Variants in CTIF observed in about 807,000 individuals in gnomAD.
The protein encoded by CTIF is CBP80/20-dependent translation initiation factor.
Under a neutral mutation model 66.0 loss-of-function variants are expected in CTIF, and 21 were observed. That is an observed-to-expected ratio of 0.32 (90% CI 0.23 to 0.46). The LOEUF is 0.46. Ranked by LOEUF, CTIF falls within the 20% of genes least tolerant of loss-of-function variation. The pLI, the probability that CTIF is intolerant of heterozygous loss-of-function variation, is 1.00. For synonymous variants in CTIF, 345 were observed against 326.4 expected (o/e 1.06, Z -0.62); for missense variants, 739 against 812.7 (o/e 0.91, Z 1.10).
chr18:48,670,036 A>G (rs1442745414), intron 5 of CTIF, among the ~76,000 whole-genome samples: 1 of 151,616 alleles, frequency 6.6e-6, no homozygotes, highest in African/African-American at 2.4e-5. Context: ...CAACTTGTAC[A>G]GGGTCCCCAG....
At chr18:48,677,603 C>T (rs1038530798) in intron 6 of CTIF, among the ~76,000 whole-genome samples, 2 of 152,184 alleles carry the variant, frequency 1.3e-5, no homozygotes, top group African/African-American at 2.4e-5. Flanking sequence ...ACTTTACAGA[C>T]CGATGTCTTT....
chr18:48,638,139 C>T (rs1460022396), intron 3 of CTIF, among the ~76,000 whole-genome samples: 3 of 152,088 alleles, frequency 2.0e-5, no homozygotes, highest in African/African-American at 7.2e-5. Context: ...AGGCCCTGCT[C>T]CTCAGGGGCA....
intron 1 of CTIF, among the ~76,000 whole-genome samples, chr18:48,571,641 A>AT (rs936489608): frequency 7.3e-5 from 11 of 151,690 alleles, no homozygotes; most frequent in Admixed American, 3.3e-4. Context: ...GATCCTCCTT[A>AT]TTTTTTTCCT....
In CTIF at chr18:48,859,799, C is replaced by A; in HGVS notation, c.*240C>A. ...TCACACCAATAAGGGAAGCATGTTT[C>A]TTTTTCCTGGTGGCCCTGGCCCTCC... is the stretch of plus-strand genomic sequence containing the variant. On this transcript the variant is annotated 3_prime_UTR_variant, in exon 12 of 12. Transcript: ENST00000256413. 3 of 676,170 alleles carry A rather than the reference C, an allele frequency of 4.4e-6. No individual in the cohort carries two copies. The allele number at this position is 676,170 out of a possible 1,614,324, so 41.9% of individuals were successfully genotyped here.
chr18:48,833,354 G>T (rs918254683), intron 10 of CTIF, among the ~76,000 whole-genome samples: 1 of 152,176 alleles, frequency 6.6e-6, no homozygotes, highest in Admixed American at 6.5e-5. Context: ...CGTGTGGGCT[G>T]CGAGTCTTGG....
At chr18:48,797,082 C>T (rs1437374583) in intron 9 of CTIF, among the ~76,000 whole-genome samples, 1 of 152,206 alleles carries the variant, frequency 6.6e-6, no homozygotes, top group African/African-American at 2.4e-5. Context: ...TGATCAGCCA[C>T]CCGGTAGATG....
intron 9 of CTIF, among the ~76,000 whole-genome samples, chr18:48,813,928 C>A (rs1054266103): frequency 6.6e-6 from 1 of 152,182 alleles, no homozygotes; most frequent in Non-Finnish European, 1.5e-5. Context: ...TGCCTTAATA[C>A]ACAGGCACAG....
chr18:48,751,120 ATTC>A lies in CTIF; in HGVS notation c.585-6794_585-6792del, dbSNP rs1907770741. Among the ~76,000 whole-genome samples, 7 of 152,264 alleles carry A rather than the reference ATTC, an allele frequency of 4.6e-5. 1 individual carries two copies. In the South Asian group the frequency reaches 1.4e-3, roughly 32 times the overall value. On this transcript the variant is annotated intron_variant, in intron 7 of 11. Coordinates refer to ENST00000256413, the MANE Select transcript of CTIF (RefSeq NM_014772.3). ...GCTTCCTACATGCTAGCTATGAACC[ATTC>A]TTCTGCATCCCTGTGATGTGAGTTT...
intron 7 of CTIF, among the ~76,000 whole-genome samples, chr18:48,741,551 G>A (rs536958935): frequency 3.3e-5 from 5 of 151,012 alleles, no homozygotes; most frequent in Non-Finnish European, 7.4e-5. Context: ...GCCTCCTGAA[G>A]AGCTGGGATT....
intron 1 of CTIF, among the ~76,000 whole-genome samples, chr18:48,588,506 T>A (rs943123416): frequency 6.6e-6 from 1 of 152,182 alleles, no homozygotes; most frequent in Non-Finnish European, 1.5e-5. Context: ...TAGCTCGCGA[T>A]CCTCATCCAC....
chr18:48,854,153 A>C lies in CTIF; in HGVS notation c.1528-3435A>C, dbSNP rs872361. Among the ~76,000 whole-genome samples the C allele has an allele frequency of 3.6e-3, 543 of 152,288 alleles. 2 individuals carry two copies. Among genetic ancestry groups the C allele is most frequent in the African/African-American group, 0.012 (510 of 41,548 alleles). ...ATTTGGCACTGTCCCTGACTTCAAG[A>C]AGCCGACAGTTCACCCTGGAAAATG... On this transcript the variant is annotated intron_variant, in intron 10 of 11. Transcript: ENST00000256413.
chr18:48,780,517 G>A (rs1476495701), intron 9 of CTIF, among the ~76,000 whole-genome samples: 1 of 152,128 alleles, frequency 6.6e-6, no homozygotes, highest in African/African-American at 2.4e-5. Context: ...GGAGGGTGAG[G>A]GACACTTTAT....
chr18:48,659,502 C>T (rs771696095), intron 3 of CTIF, among the ~76,000 whole-genome samples: 66 of 152,206 alleles, frequency 4.3e-4, no homozygotes, highest in Non-Finnish European at 8.1e-4. Context: ...GGAGCTGCAC[C>T]CCCAGGGCTC....
intron 10 of CTIF, among the ~76,000 whole-genome samples, chr18:48,850,760 G>A (rs1460530655): frequency 6.6e-6 from 1 of 152,190 alleles, no homozygotes; most frequent in Non-Finnish European, 1.5e-5. Context: ...AGCAGCAGGT[G>A]GGGCCTTCAG....
chr18:48,757,402 A>T (rs568996625), intron 7 of CTIF, among the ~76,000 whole-genome samples: 1 of 152,244 alleles, frequency 6.6e-6, no homozygotes, highest in East Asian at 1.9e-4. Flanking sequence ...CAAAAAAAAA[A>T]AAGTTGTTTG....
At chr18:48,788,935 T>A (rs998553819) in intron 9 of CTIF, among the ~76,000 whole-genome samples, 2 of 152,040 alleles carry the variant, frequency 1.3e-5, no homozygotes, top group Non-Finnish European at 2.9e-5. Context: ...GCCAAAACTG[T>A]CCCATTCCCA....
At chr18:48,636,280 G>A (rs1318322041) in intron 2 of CTIF, among the ~76,000 whole-genome samples, 1 of 152,216 alleles carries the variant, frequency 6.6e-6, no homozygotes, top group Non-Finnish European at 1.5e-5. Flanking sequence ...GCCAGGTCAG[G>A]CGGTCAAACA....
intron 1 of CTIF, among the ~76,000 whole-genome samples, chr18:48,550,266 C>G (rs767631707): frequency 1.3e-5 from 2 of 152,212 alleles, no homozygotes. Context: ...CACTGGTGGC[C>G]TAGGCAGCAG....
At chr18:48,752,045 C>A (rs950767921) in intron 7 of CTIF, among the ~76,000 whole-genome samples, 2 of 152,218 alleles carry the variant, frequency 1.3e-5, no homozygotes, top group African/African-American at 4.8e-5. Flanking sequence ...GACCTTTCAT[C>A]TATTCCAGAG....
Sources: allele counts gnomAD v4.1 joint callset (sites outside exome capture counted in the v4.1 genomes callset), GRCh38; gene constraint gnomAD v4.1.1; transcripts MANE v1.5; gene names NCBI Gene and HGNC (gene_info 2026-07-23, HGNC 2026-07-21).